SEL1L3: variants seen among roughly 807,000 people sequenced by gnomAD.
The protein encoded by SEL1L3 is protein sel-1 homolog 3.
SEL1L3 carries 76 observed loss-of-function variants against 142.8 expected under a neutral mutation model. That is an observed-to-expected ratio of 0.53 (90% CI 0.44 to 0.64). SEL1L3 has a LOEUF of 0.64. SEL1L3 is among the 30% of genes least tolerant of loss of function. The probability of loss-of-function intolerance (pLI) is 0.00; values close to 1 mark genes in which losing one functional copy is unlikely to be tolerated. For missense variants in SEL1L3, 1,262 were observed against 1,381.7 expected (o/e 0.91, Z 1.37); for synonymous variants, 504 against 519.6 (o/e 0.97, Z 0.41).
chr4:25,734,069 G>A, the SEL1L3 span, among the ~76,000 whole-genome samples: 1 of 152,138 alleles, frequency 6.6e-6, no homozygotes, highest in Admixed American at 6.5e-5. Flanking sequence ...TGTCGCCCAG[G>A]TTGGAGTGCA....
chr4:25,726,072 A>G, the SEL1L3 span, among the ~76,000 whole-genome samples: 3 of 151,972 alleles, frequency 2.0e-5, no homozygotes, highest in Non-Finnish European at 4.4e-5. Flanking sequence ...GCCCCTATTC[A>G]AGATGGAGTC....
chr4:25,739,247 T>C, the SEL1L3 span, among the ~76,000 whole-genome samples: 14 of 151,846 alleles, frequency 9.2e-5, 1 homozygote, highest in South Asian at 1.5e-3. Context: ...AAAAAAACAA[T>C]GTCTGGAGGC....
At chr4:25,801,122 G>T (rs1713154807) in intron 11 of SEL1L3, among the ~76,000 whole-genome samples, 1 of 152,242 alleles carries the variant, frequency 6.6e-6, no homozygotes, top group African/African-American at 2.4e-5. Context: ...TATGGCACTT[G>T]CCAGGCACAG....
At chr4:25,834,774 A>G (rs1320634101) in intron 3 of SEL1L3, among the ~76,000 whole-genome samples, 1 of 152,212 alleles carries the variant, frequency 6.6e-6, no homozygotes, top group Non-Finnish European at 1.5e-5. Context: ...AGCAGAAGGA[A>G]AAAAAATACA....
intron 1 of SEL1L3, among the ~76,000 whole-genome samples, chr4:25,853,294 T>A (rs1479324747): frequency 6.6e-6 from 1 of 152,198 alleles, no homozygotes; most frequent in Non-Finnish European, 1.5e-5. Flanking sequence ...CCGTGTACTC[T>A]CCACAGAGCC....
chr4:25,750,234 C>CAAAAAAAAA (rs10718046), intron 23 of SEL1L3, among the ~76,000 whole-genome samples: 1 of 105,084 alleles, frequency 9.5e-6, no homozygotes, highest in Non-Finnish European at 1.9e-5. Flanking sequence ...GACTCCATCT[C>CAAAAAAAAA]AAAAAAAAAA....
intron 21 of SEL1L3, among the ~76,000 whole-genome samples, chr4:25,758,478 A>G (rs1448789320): frequency 1.3e-5 from 2 of 152,168 alleles, no homozygotes; most frequent in African/African-American, 2.4e-5. Context: ...CTCAAAATAA[A>G]CAAACAAGAG....
Position 25,748,488 on chromosome 4 carries a change from T to A in SEL1L3, c.3336A>T (p.Pro1112=), listed in dbSNP as rs1272874263. The change falls in exon 24 of 24, where the codon CCA becomes CCT. Residue 1112 remains proline, a synonymous_variant. Transcript: ENST00000399878. ...GGTCTTGGTCAGAGGCATCTGCAGC[T>A]GGAGTCACAGCTGGACTTGCAGTGG... ...ATSTASPAVT[P]AADASDQDQP... is the part of the protein sequence containing the mutation. The A allele has an allele frequency of 1.2e-6, 2 of 1,611,934 alleles. No homozygotes were observed. The highest frequency in any genetic ancestry group is 1.7e-6 in the Non-Finnish European group (2 of 1,179,226).
intron 17 of SEL1L3, among the ~76,000 whole-genome samples, chr4:25,768,394 C>T (rs1301363928): frequency 6.6e-6 from 1 of 152,126 alleles, no homozygotes; most frequent in Non-Finnish European, 1.5e-5. Context: ...TGAGTGACCA[C>T]TTTTCATCTG....
intron 6 of SEL1L3, among the ~76,000 whole-genome samples, chr4:25,825,426 T>C (rs1378566607): frequency 2.6e-5 from 4 of 152,180 alleles, no homozygotes; most frequent in Non-Finnish European, 5.9e-5. Context: ...CGAGACATGC[T>C]GGCAAACTAT....
chr4:25,755,503 T>C (rs941558057), intron 23 of SEL1L3, among the ~76,000 whole-genome samples: 7 of 152,124 alleles, frequency 4.6e-5, no homozygotes, highest in Non-Finnish European at 8.8e-5. Flanking sequence ...ATTTTTATGA[T>C]TGATCCTATC....
the SEL1L3 span, among the ~76,000 whole-genome samples, chr4:25,735,419 G>A: frequency 6.6e-6 from 1 of 151,874 alleles, no homozygotes; most frequent in African/African-American, 2.4e-5. Context: ...GGAATTTTGT[G>A]TCTTTTCTCT....
At chr4:25,780,008 A>G (rs1017808823) in intron 15 of SEL1L3, among the ~76,000 whole-genome samples, 1 of 152,208 alleles carries the variant, frequency 6.6e-6, no homozygotes, top group Admixed American at 6.5e-5. Context: ...AAGGTTTAGC[A>G]CAGTGCTTCA....
intron 15 of SEL1L3, among the ~76,000 whole-genome samples, chr4:25,779,570 T>C (rs1011767278): frequency 2.0e-5 from 3 of 152,228 alleles, no homozygotes; most frequent in African/African-American, 7.2e-5. Flanking sequence ...GCTTAATACC[T>C]TTCTTCAAAC....
At chr4:25,715,949 C>A in the SEL1L3 span, among the ~76,000 whole-genome samples, 1 of 152,056 alleles carries the variant, frequency 6.6e-6, no homozygotes, top group African/African-American at 2.4e-5. Flanking sequence ...GAGAATAGAC[C>A]TTTTACTATA....
the SEL1L3 span, among the ~76,000 whole-genome samples, chr4:25,739,750 A>G: frequency 7.4e-6 from 1 of 134,250 alleles, no homozygotes; most frequent in African/African-American, 3.2e-5. Flanking sequence ...GTATTCTGAA[A>G]GAAAAAATAA....
At chr4:25,835,142 T>C (rs1715717370) in intron 3 of SEL1L3, 55 bp downstream of exon 3, 2 of 1,603,068 alleles carry the variant, frequency 1.2e-6, no homozygotes, top group Non-Finnish European at 1.7e-6. Context: ...CCTGCTCTGG[T>C]CCTCAAATAA....
chr4:25,726,742 A>T, the SEL1L3 span, among the ~76,000 whole-genome samples: 2 of 151,896 alleles, frequency 1.3e-5, no homozygotes, highest in Non-Finnish European at 2.9e-5. Flanking sequence ...CCTTCACAGA[A>T]TTCCTAGAAA....
At chr4:25,841,281 G>A (rs544102183) in intron 2 of SEL1L3, among the ~76,000 whole-genome samples, 23 of 152,262 alleles carry the variant, frequency 1.5e-4, no homozygotes, top group African/African-American at 4.8e-4. Context: ...TGATCTGCCT[G>A]CCTCAGCCTC....
Sources: allele counts gnomAD v4.1 joint callset (sites outside exome capture counted in the v4.1 genomes callset), GRCh38; gene constraint gnomAD v4.1.1; transcripts MANE v1.5; gene names NCBI Gene and HGNC (gene_info 2026-07-23, HGNC 2026-07-21).